C1orf94: variants seen among roughly 807,000 people sequenced by gnomAD.
C1orf94 encodes the protein chromosome 1 open reading frame 94.
A neutral mutation model predicts 53.6 loss-of-function variants in C1orf94; 45 were observed. The ratio of observed to expected loss-of-function variants is 0.84; its 90% confidence interval spans 0.66 to 1.08. The LOEUF is 1.08. Among genes scored for constraint, C1orf94 ranks in the 50% least tolerant of loss-of-function variants. The pLI, the probability that C1orf94 is intolerant of heterozygous loss-of-function variation, is 0.00. For synonymous variants in C1orf94, 304 were observed against 296.1 expected (o/e 1.03, Z -0.27); for missense variants, 762 against 738.9 (o/e 1.03, Z -0.36).
At chr1:34,176,105 C>G (rs539190251), upstream of C1orf94, among the ~76,000 whole-genome samples, 6 of 151,968 alleles carry the variant, frequency 3.9e-5, no homozygotes, top group Non-Finnish European at 8.8e-5. Flanking sequence ...TGCCCAGCAA[C>G]TCATCGGGCA....
At chr1:34,185,729 G>A (rs1198869103) in intron 1 of C1orf94, among the ~76,000 whole-genome samples, 2 of 152,166 alleles carry the variant, frequency 1.3e-5, no homozygotes, top group Non-Finnish European at 2.9e-5. Flanking sequence ...CCTCCAGGAT[G>A]CCCTCCACCC....
Position 34,200,791 on chromosome 1 carries a change from G to C in C1orf94, c.1029G>C (p.Lys343Asn). 6.2e-7 allele frequency: 1 copy of C among 1,614,082 alleles called. No homozygotes were observed. The highest frequency in any genetic ancestry group is 8.5e-7 in the Non-Finnish European group (1 of 1,179,976). Residue 343 changes from lysine (K) to asparagine (N), a missense_variant, in exon 3 of 7, where the codon AAG (lysine) becomes AAC (asparagine). By Grantham distance (94) the Lys-to-Asn change is moderately conservative. Transcript: ENST00000488417. Reference protein sequence around the residue: ...HHLMEWSPGTKEPKKGQGSLF... With the variant: ...HHLMEWSPGTNEPKKGQGSLF... The stretch of plus-strand genomic sequence containing the variant: ...CTACAGAATGGAGCCCTGGCACCAA[G>C]GAGCCAAAAAAGGGTCAAGGGAGCC...
At chr1:34,188,693 C>T (rs1006585149) in intron 1 of C1orf94, among the ~76,000 whole-genome samples, 2 of 152,174 alleles carry the variant, frequency 1.3e-5, no homozygotes, top group Non-Finnish European at 2.9e-5. Context: ...TCACATTCAT[C>T]ATCTCACTTA....
intron 4 of C1orf94, among the ~76,000 whole-genome samples, chr1:34,203,843 A>T (rs1367438813): frequency 1.3e-5 from 2 of 152,258 alleles, no homozygotes; most frequent in African/African-American, 4.8e-5. Flanking sequence ...GGGAAAAATT[A>T]AATAAATGTC....
At chr1:34,175,171 C>T (rs1010929277), upstream of C1orf94, among the ~76,000 whole-genome samples, 43 of 149,802 alleles carry the variant, frequency 2.9e-4, no homozygotes, top group African/African-American at 8.6e-4. Context: ...ATCTTTGTTC[C>T]GTATCCCTGC....
intron 4 of C1orf94, 53 bp from the exon 5 acceptor site, chr1:34,208,104 C>G: frequency 6.3e-7 from 1 of 1,576,288 alleles, no homozygotes. Flanking sequence ...TAGCTGATGC[C>G]TTCTGGCAGG....
chr1:34,197,365 C>T lies in C1orf94; in HGVS notation c.461C>T (p.Thr154Ile), dbSNP rs575371553. 301 of 1,610,856 alleles carry T rather than the reference C, an allele frequency of 1.9e-4. No individual in the cohort carries two copies. Among genetic ancestry groups the T allele is most frequent in the Non-Finnish European group, 2.5e-4 (292 of 1,178,334 alleles). Residue 154 changes from threonine (T) to isoleucine (I), a missense_variant, in exon 2 of 7, where the codon ACC (threonine) becomes ATC (isoleucine). Physicochemically the swap from Thr to Ile is moderately conservative, Grantham distance 89. Coordinates refer to ENST00000488417, the MANE Select transcript of C1orf94 (RefSeq NM_001134734.2). The surrounding 1 kb of genome is among the most constrained non-coding windows in gnomAD (Gnocchi z 4.1). ...GTACCCGGCAGCTCTCCCGAGGGGA[C>T]CAGAGAGCTGGCTCCCTGCATTCTT... ...LEVPGSSPEGTRELAPCILAP... is the reference protein window; with the variant it reads ...LEVPGSSPEGIRELAPCILAP...
chr1:34,187,581 T>G (rs754041975), intron 1 of C1orf94, among the ~76,000 whole-genome samples: 68 of 151,074 alleles, frequency 4.5e-4, no homozygotes, highest in Non-Finnish European at 8.1e-4. Context: ...AGCTCCCAAG[T>G]CACATTAAAA....
At chr1:34,169,273 C>T (rs1033925367) in intron 1 of C1orf94, among the ~76,000 whole-genome samples, 15 of 152,136 alleles carry the variant, frequency 9.9e-5, no homozygotes, top group Non-Finnish European at 2.1e-4. Flanking sequence ...GACATAACAG[C>T]CTACCCGCAT....
chr1:34,187,225 G>A (rs934624459), intron 1 of C1orf94, among the ~76,000 whole-genome samples: 9 of 152,118 alleles, frequency 5.9e-5, no homozygotes, highest in African/African-American at 2.2e-4. Context: ...CCATTTTATA[G>A]ATGAGAAAGG....
chr1:34,200,055 T>G (rs1293688515), intron 2 of C1orf94, among the ~76,000 whole-genome samples: 1 of 152,240 alleles, frequency 6.6e-6, no homozygotes, highest in Non-Finnish European at 1.5e-5. Flanking sequence ...TTTCTTGTTA[T>G]GAGCTCCTGC....
intron 1 of C1orf94, among the ~76,000 whole-genome samples, chr1:34,169,638 AG>A (rs1642112854): frequency 1.3e-5 from 2 of 148,454 alleles, no homozygotes; most frequent in Non-Finnish European, 3.0e-5. Flanking sequence ...AGAGAGAGTG[AG>A]CAAATGGGAG....
intron 2 of C1orf94, among the ~76,000 whole-genome samples, chr1:34,198,213 T>A (rs912167880): frequency 6.6e-6 from 1 of 152,208 alleles, no homozygotes; most frequent in East Asian, 1.9e-4. Context: ...ATCAAACGGG[T>A]GTCCAGAGTA....
chr1:34,167,606 G>A (rs1274772172), intron 1 of C1orf94, among the ~76,000 whole-genome samples: 2 of 150,974 alleles, frequency 1.3e-5, no homozygotes, highest in African/African-American at 2.4e-5. Context: ...TGCTTTCACT[G>A]AGCGCCTCCT....
At chr1:34,173,408 T>C (rs1199419310), upstream of C1orf94, among the ~76,000 whole-genome samples, 1 of 152,168 alleles carries the variant, frequency 6.6e-6, no homozygotes, top group East Asian at 1.9e-4. Flanking sequence ...ATGATGATTG[T>C]AAAAGAGCCT....
At chr1:34,207,875 C>T (rs1642824284) in intron 4 of C1orf94, among the ~76,000 whole-genome samples, 1 of 152,198 alleles carries the variant, frequency 6.6e-6, no homozygotes, top group Non-Finnish European at 1.5e-5. Flanking sequence ...GGTCACACAG[C>T]CACTAAAACA....
intron 1 of C1orf94, among the ~76,000 whole-genome samples, chr1:34,178,541 G>A (rs1642266173): frequency 6.6e-6 from 1 of 152,210 alleles, no homozygotes; most frequent in African/African-American, 2.4e-5. Context: ...CCTAATACAG[G>A]GAGCAGCTGT....
intron 4 of C1orf94, among the ~76,000 whole-genome samples, chr1:34,204,716 G>A (rs1396329294): frequency 6.6e-6 from 1 of 152,166 alleles, no homozygotes; most frequent in Non-Finnish European, 1.5e-5. Flanking sequence ...GCTGAGCATT[G>A]TTCTAGGTGG....
At chr1:34,179,114 A>G (rs1468067821) in intron 1 of C1orf94, among the ~76,000 whole-genome samples, 1 of 152,254 alleles carries the variant, frequency 6.6e-6, no homozygotes, top group Non-Finnish European at 1.5e-5. Context: ...ATGCCTAAGC[A>G]AGAGCTAAGA....
Sources: gnomAD v4.1 joint callset for allele counts (sites outside exome capture counted in the v4.1 genomes callset) on GRCh38, gnomAD v4.1.1 for gene constraint, Gnocchi (gnomAD v3.1) non-coding constraint, MANE v1.5 for transcripts, NCBI Gene and HGNC (gene_info 2026-07-23, HGNC 2026-07-21) for gene names.